Variants in CEP350 observed in about 807,000 individuals in gnomAD.
CEP350 encodes centrosomal protein 350.
In CEP350, 126 loss-of-function variants were observed where a neutral mutation model predicts 331.8. The observed-to-expected ratio is 0.38, with a 90% CI of 0.33 to 0.44. CEP350 has a LOEUF of 0.44. Ranked by LOEUF, CEP350 falls within the 20% of genes least tolerant of loss-of-function variation. CEP350 has a pLI of 1.00. For missense variants in CEP350, 3,406 were observed against 3,634.6 expected, an observed-to-expected ratio of 0.94 and a Z score of 1.62; for synonymous variants, 1,200 against 1,259.5, an observed-to-expected ratio of 0.95 and a Z score of 1.00.
intron 1 of CEP350, among the ~76,000 whole-genome samples, chr1:179,955,526 A>G (rs1235370793): frequency 6.6e-6 from 1 of 152,158 alleles, no homozygotes; most frequent in Non-Finnish European, 1.5e-5. Context: ...AGGGATGATC[A>G]GTTTCTGTTC....
intron 15 of CEP350, among the ~76,000 whole-genome samples, chr1:180,033,311 T>C (rs1275256219): frequency 6.6e-6 from 1 of 152,160 alleles, no homozygotes; most frequent in Non-Finnish European, 1.5e-5. Flanking sequence ...AGAGATGTAG[T>C]ATTAAAAAGC....
chr1:179,968,121 A>G (rs1571786094), intron 1 of CEP350, among the ~76,000 whole-genome samples: 1 of 152,188 alleles, frequency 6.6e-6, no homozygotes, highest in Non-Finnish European at 1.5e-5. Flanking sequence ...ACCTGAGGTC[A>G]GGAGATCGAG....
At chr1:180,089,781 C>T (rs12125693) in intron 32 of CEP350, among the ~76,000 whole-genome samples, 18,848 of 151,822 alleles carry the variant, frequency 0.12, 1,237 homozygotes, top group South Asian at 0.17. Flanking sequence ...TAAGTGAAAC[C>T]GTGAGGAAAG....
intron 27 of CEP350, among the ~76,000 whole-genome samples, chr1:180,073,521 A>T (rs545032734): frequency 2.0e-4 from 30 of 152,336 alleles, no homozygotes; most frequent in African/African-American, 7.2e-4. Context: ...TTACTTACAA[A>T]TAAGTAAATT....
In CEP350 at chr1:179,996,606, A is replaced by G. The variant is rs375343535; in HGVS notation, c.449A>G (p.His150Arg). 4 of 1,601,552 alleles carry G rather than the reference A, an allele frequency of 2.5e-6. No individual in the cohort carries two copies. The African/African-American group carries it at 5.3e-5, about 21-fold the overall frequency. ...NFSSSHLESKHVYCVDVNEEK... is the reference protein window; with the variant it reads ...NFSSSHLESKRVYCVDVNEEK... The stretch of plus-strand genomic sequence containing the variant: ...AGTTCCAGCCATCTGGAATCAAAGC[A>G]CGTATACTGTGTAGATGTTAATGAA... The change falls in exon 6 of 38, where the codon CAC (histidine) becomes CGC (arginine). Residue 150 changes from histidine (H) to arginine (R), a missense_variant. Physicochemically the swap from His to Arg is conservative, Grantham distance 29. This residue lies in a region of CEP350 where 1,857 missense variants were observed against 1,909.2 expected (regional missense o/e 0.97). Coordinates refer to ENST00000367607, the MANE Select transcript of CEP350 (RefSeq NM_014810.5).
chr1:180,106,534 C>T (rs912647668), intron 37 of CEP350, among the ~76,000 whole-genome samples: 3 of 152,108 alleles, frequency 2.0e-5, no homozygotes, highest in African/African-American at 7.2e-5. Context: ...TCTTTAAATA[C>T]AGTGCTCAGA....
intron 37 of CEP350, among the ~76,000 whole-genome samples, chr1:180,100,046 A>G (rs1319707397): frequency 6.6e-6 from 1 of 152,178 alleles, no homozygotes; most frequent in Non-Finnish European, 1.5e-5. Context: ...TTGGCCTCCC[A>G]AAGTGCTGGG....
chr1:180,057,373 T>G (rs892391199), intron 25 of CEP350, among the ~76,000 whole-genome samples: 13 of 152,154 alleles, frequency 8.5e-5, no homozygotes, highest in African/African-American at 3.1e-4. Flanking sequence ...AGTGCTGGGA[T>G]TACAGGCGTG....
chr1:180,090,477 C>T (rs1275804797), intron 32 of CEP350, among the ~76,000 whole-genome samples: 4 of 130,354 alleles, frequency 3.1e-5, no homozygotes, highest in Admixed American at 1.9e-4. Flanking sequence ...ACCCGGGAGG[C>T]GGAGCTTGCA....
In CEP350 at chr1:180,003,260, T is replaced by C. The variant is rs1653989820; in HGVS notation, c.1105T>C (p.Tyr369His). ...AEFQNMSRELYRDLALHFADD... is the reference protein window; with the variant it reads ...AEFQNMSRELHRDLALHFADD... ...GTTTCAAAACATGAGTAGAGAACTG[T>C]ATCGAGATTTAGCACTTCACTTTGC... Residue 369 changes from tyrosine (Y) to histidine (H), a missense_variant, in exon 7 of 38, where the codon TAT becomes CAT. Physicochemically the swap from Tyr to His is moderately conservative, Grantham distance 83 (BLOSUM62 2). Transcript: ENST00000367607. 1 of 1,611,596 alleles carries C rather than the reference T, an allele frequency of 6.2e-7. No individual in the cohort carries two copies. The highest frequency in any genetic ancestry group is 1.1e-5 in the South Asian group (1 of 90,580).
intron 24 of CEP350, 96 bp from the exon 25 acceptor site, chr1:180,054,310 TGTTAAATTG>T (rs1382649948): frequency 1.1e-6 from 1 of 934,144 alleles, no homozygotes; most frequent in Non-Finnish European, 1.7e-6. Flanking sequence ...CATTTGAAAA[TGTTAAATTG>T]GTTTGTAGAC....
intron 28 of CEP350, among the ~76,000 whole-genome samples, chr1:180,077,533 G>T (rs1399093397): frequency 1.3e-5 from 2 of 151,870 alleles, no homozygotes; most frequent in Admixed American, 6.6e-5. Context: ...CGGGCATGGT[G>T]GCGCAGGCCT....
intron 1 of CEP350, among the ~76,000 whole-genome samples, chr1:179,967,568 C>T (rs1443422471): frequency 6.6e-6 from 1 of 152,128 alleles, no homozygotes; most frequent in Non-Finnish European, 1.5e-5. Context: ...TGCACCACCA[C>T]GTCCAGCCAA....
At chr1:180,080,752 C>A in intron 30 of CEP350, 91 bp downstream of exon 30, 1 of 1,025,274 alleles carries the variant, frequency 9.8e-7, no homozygotes, top group Non-Finnish European at 1.5e-6. Context: ...CCTTAGGAAG[C>A]ATATGTAGAC....
chr1:180,031,946 C>T (rs191969475), intron 15 of CEP350, among the ~76,000 whole-genome samples: 5 of 152,198 alleles, frequency 3.3e-5, no homozygotes, highest in African/African-American at 1.2e-4. Context: ...CTCATCTATT[C>T]ATCCATTCTT....
intron 24 of CEP350, 116 bp from the exon 25 acceptor site, chr1:180,054,299 A>C: frequency 1.1e-6 from 1 of 871,976 alleles, no homozygotes; most frequent in East Asian, 2.7e-5. Flanking sequence ...ACTGCTTTTC[A>C]CATTTGAAAA....
chr1:179,990,740 A>G, intron 4 of CEP350, 119 bp downstream of exon 4: 1 of 518,272 alleles, frequency 1.9e-6, no homozygotes, highest in Non-Finnish European at 3.4e-6. Flanking sequence ...TATCTTTTGT[A>G]GAGACGAAGT....
chr1:180,097,375 T>TAC (rs1660542735), intron 36 of CEP350, among the ~76,000 whole-genome samples: 1 of 152,350 alleles, frequency 6.6e-6, no homozygotes, highest in South Asian at 2.1e-4. Context: ...ACTAGCTTTT[T>TAC]AAAAACACAT....
Position 179,969,649 on chromosome 1 carries a change from TA to T in CEP350, c.-14+14514del, listed in dbSNP as rs562259414. 1.3e-3 allele frequency: 386 copies of T among 303,588 alleles called. 2 individuals carry two copies. The highest frequency in any genetic ancestry group is 2.2e-3 in the Non-Finnish European group (337 of 153,778). The allele number at this position is 303,588 out of a possible 1,614,324, so 18.8% of individuals were successfully genotyped here. ...CAAAAAGTGATCAGTGTGTCTGCTT[TA>T]AAAAAAGAATTCAGAAACAGAAGCT... On this transcript the variant is annotated intron_variant, in intron 1 of 37. Coordinates refer to ENST00000367607, the MANE Select transcript of CEP350 (RefSeq NM_014810.5).
Sources: allele counts gnomAD v4.1 joint callset (sites outside exome capture counted in the v4.1 genomes callset), GRCh38; gene constraint gnomAD v4.1.1; regional missense constraint gnomAD v4.1.1; transcripts MANE v1.5; gene names NCBI Gene and HGNC (gene_info 2026-07-23, HGNC 2026-07-21).